Variants in AFG1L observed in about 807,000 individuals in gnomAD.
AFG1L encodes AFG1 like ATPase.
AFG1L carries 53 observed loss-of-function variants against 62.2 expected under a neutral mutation model. The observed-to-expected ratio is 0.85, with a 90% CI of 0.68 to 1.07. AFG1L has a LOEUF of 1.07. Ranked by LOEUF, AFG1L falls within the 50% of genes least tolerant of loss-of-function variation. The pLI, the probability that AFG1L is intolerant of heterozygous loss-of-function variation, is 0.00. For synonymous variants in AFG1L, 228 were observed against 210.3 expected, an observed-to-expected ratio of 1.08 and a Z score of -0.73; for missense variants, 555 against 590.5, an observed-to-expected ratio of 0.94 and a Z score of 0.62.
At chr6:108,471,405 T>G (rs1172859388) in intron 8 of AFG1L, among the ~76,000 whole-genome samples, 1 of 152,042 alleles carries the variant, frequency 6.6e-6, no homozygotes, top group Non-Finnish European at 1.5e-5. Flanking sequence ...TAAGATAGTA[T>G]TGGGCCATAG....
intron 6 of AFG1L, among the ~76,000 whole-genome samples, chr6:108,390,968 G>A (rs756359133): frequency 2.6e-5 from 4 of 152,112 alleles, no homozygotes; most frequent in Non-Finnish European, 5.9e-5. Flanking sequence ...GTTCCTATTC[G>A]GCCATCTTGG....
chr6:108,379,488 C>T (rs952512492), intron 6 of AFG1L, among the ~76,000 whole-genome samples: 2 of 152,160 alleles, frequency 1.3e-5, no homozygotes, highest in Admixed American at 6.5e-5. Flanking sequence ...TTGTAGAATG[C>T]ACAGTGGTCT....
intron 7 of AFG1L, among the ~76,000 whole-genome samples, chr6:108,438,641 TG>T (rs1771411974): frequency 6.6e-6 from 1 of 152,130 alleles, no homozygotes; most frequent in South Asian, 2.1e-4. Context: ...ATGGATATTA[TG>T]AGGAAGATAA....
chr6:108,446,531 G>T (rs1171055005), intron 7 of AFG1L, among the ~76,000 whole-genome samples: 1 of 141,428 alleles, frequency 7.1e-6, no homozygotes, highest in Non-Finnish European at 1.5e-5. Context: ...GTGAGACAAG[G>T]TCTTGCTCTG....
chr6:108,409,977 G>A (rs1317742578), intron 7 of AFG1L, among the ~76,000 whole-genome samples: 2 of 152,166 alleles, frequency 1.3e-5, no homozygotes, highest in African/African-American at 4.8e-5. Context: ...AGTGTTCATT[G>A]TTTATTTCCT....
At chr6:108,452,521 A>G (rs1212919842) in intron 8 of AFG1L, among the ~76,000 whole-genome samples, 1 of 152,174 alleles carries the variant, frequency 6.6e-6, no homozygotes, top group Non-Finnish European at 1.5e-5. Flanking sequence ...TGCCCTCCAC[A>G]CAGATGCCGT....
At chr6:108,380,585 C>A (rs553170882) in intron 6 of AFG1L, among the ~76,000 whole-genome samples, 1 of 152,138 alleles carries the variant, frequency 6.6e-6, no homozygotes, top group Non-Finnish European at 1.5e-5. Flanking sequence ...ATGTGGAGGC[C>A]CCCTATCCAA....
At chr6:108,501,282 C>T (rs1045851172) in intron 10 of AFG1L, among the ~76,000 whole-genome samples, 7 of 152,134 alleles carry the variant, frequency 4.6e-5, no homozygotes, top group East Asian at 3.9e-4. Flanking sequence ...CGTGAGCCAC[C>T]GCACCTGGCC....
At position 108,312,901 on chromosome 6, in the gene AFG1L, T is replaced by G. The variant is rs1196021281; in HGVS notation, c.140-10924T>G. 2.6e-5 allele frequency among the ~76,000 whole-genome samples: 4 copies of G among 152,096 alleles called. No individual in the cohort carries two copies. The East Asian group carries it at 7.7e-4, about 29-fold the overall frequency. ...ATCCTCCCACCTTGGCTTCCTAAAG[T>G]GCTGGGATTACAGGTATGAGCCACT... On this transcript the variant is annotated intron_variant, in intron 1 of 12. Coordinates refer to ENST00000368977, the MANE Select transcript of AFG1L (RefSeq NM_145315.5).
intron 7 of AFG1L, among the ~76,000 whole-genome samples, chr6:108,425,959 T>C (rs1299662193): frequency 1.3e-5 from 2 of 152,148 alleles, no homozygotes; most frequent in Non-Finnish European, 2.9e-5. Flanking sequence ...CTTTTCATCT[T>C]CAGATAAAGG....
At chr6:108,388,060 CA>C (rs1291841589) in intron 6 of AFG1L, 1 of 152,034 alleles carries the variant, frequency 6.6e-6, no homozygotes, top group Non-Finnish European at 1.5e-5. Flanking sequence ...AATCTAGAGG[CA>C]AAGTGGAAGC....
intron 11 of AFG1L, among the ~76,000 whole-genome samples, chr6:108,516,558 A>G (rs549274304): frequency 2.0e-5 from 3 of 152,330 alleles, no homozygotes; most frequent in African/African-American, 7.2e-5. Context: ...CTGAATGGGC[A>G]AAAACTGGAA....
intron 6 of AFG1L, among the ~76,000 whole-genome samples, chr6:108,380,123 G>A (rs1330457648): frequency 6.6e-6 from 1 of 151,844 alleles, no homozygotes; most frequent in Non-Finnish European, 1.5e-5. Flanking sequence ...GATCTTCCTG[G>A]GCATGTAACA....
chr6:108,352,465 G>T (rs938902928), intron 3 of AFG1L, among the ~76,000 whole-genome samples: 1 of 152,112 alleles, frequency 6.6e-6, no homozygotes, highest in African/African-American at 2.4e-5. Context: ...TTTGTGTGTT[G>T]TCCTGTACAC....
chr6:108,415,184 T>G (rs540748344), intron 7 of AFG1L, among the ~76,000 whole-genome samples: 180 of 152,192 alleles, frequency 1.2e-3, no homozygotes, highest in Middle Eastern at 6.8e-3. Flanking sequence ...GCTTCAAAGA[T>G]AATAAAATAC....
Position 108,435,424 on chromosome 6 carries a change from C to T in AFG1L, c.808-11790C>T, listed in dbSNP as rs188165410. Among the ~76,000 whole-genome samples the T allele has an allele frequency of 5.9e-4, 90 of 152,272 alleles. 1 individual carries two copies. Among genetic ancestry groups the T allele is most frequent in the African/African-American group, 1.4e-3 (58 of 41,554 alleles). ...CAACAGGGCTGGGCACAGTGGCTCA[C>T]GCCTGTAATCCAGCACTTTGGGAGG... On this transcript the variant is annotated intron_variant, in intron 7 of 12. Transcript: ENST00000368977.
At chr6:108,334,815 C>G (rs933961770) in intron 2 of AFG1L, among the ~76,000 whole-genome samples, 1 of 152,100 alleles carries the variant, frequency 6.6e-6, no homozygotes, top group Non-Finnish European at 1.5e-5. Context: ...CCATTGTTCT[C>G]TGCTGGCAAT....
At chr6:108,401,687 A>G (rs1278654899) in intron 6 of AFG1L, among the ~76,000 whole-genome samples, 3 of 152,174 alleles carry the variant, frequency 2.0e-5, no homozygotes, top group Non-Finnish European at 4.4e-5. Flanking sequence ...TAATCTTCTC[A>G]TATTGGGTTA....
Position 108,450,132 on chromosome 6 carries a change from T to G in AFG1L, c.890+2836T>G, listed in dbSNP as rs1023927013. On this transcript the variant is annotated intron_variant, in intron 8 of 12. Transcript: ENST00000368977. ...GTATATACCCAGTAATGGGATGGCT[T>G]GATCAAATGGTATTTCTAGTTCTAG... Among the ~76,000 whole-genome samples, 3 of 152,052 alleles carry G rather than the reference T, an allele frequency of 2.0e-5. No homozygotes were observed. The South Asian group carries it at 6.2e-4, about 31-fold the overall frequency.
Sources: gnomAD v4.1 joint callset for allele counts (sites outside exome capture counted in the v4.1 genomes callset) on GRCh38, gnomAD v4.1.1 for gene constraint, MANE v1.5 for transcripts, NCBI Gene and HGNC (gene_info 2026-07-23, HGNC 2026-07-21) for gene names.